Variants in NEDD4L observed in about 807,000 individuals in gnomAD.
The protein encoded by NEDD4L is E3 ubiquitin-protein ligase NEDD4-like.
In NEDD4L, 54 loss-of-function variants were observed where a neutral mutation model predicts 148.9. The ratio of observed to expected loss-of-function variants is 0.36; its 90% CI spans 0.29 to 0.45. The LOEUF is 0.45. Ranked by LOEUF, NEDD4L falls within the 20% of genes least tolerant of loss-of-function variation. The pLI is 1.00. For missense variants in NEDD4L, 856 were observed against 1,233.8 expected, an observed-to-expected ratio of 0.69 and a Z score of 4.59; for synonymous variants, 433 against 440.7, an observed-to-expected ratio of 0.98 and a Z score of 0.22.
intron 3 of NEDD4L, among the ~76,000 whole-genome samples, chr18:58,246,891 T>C (rs960862632): frequency 9.2e-5 from 14 of 152,206 alleles, no homozygotes; most frequent in Admixed American, 9.2e-4. Context: ...TTAAAAATAC[T>C]TGGCTGCATG....
At chr18:58,062,966 C>T (rs28549255) in intron 1 of NEDD4L, among the ~76,000 whole-genome samples, 12,595 of 121,830 alleles carry the variant, frequency 0.1, 722 homozygotes, top group Middle Eastern at 0.28. Context: ...CCAGCCTGGG[C>T]GACAGAGCGA....
chr18:58,371,039 T>A (rs538224002), intron 23 of NEDD4L, among the ~76,000 whole-genome samples: 25 of 152,040 alleles, frequency 1.6e-4, no homozygotes, highest in African/African-American at 3.1e-4. Flanking sequence ...ATTTTATTTT[T>A]TTTTTATTTT....
chr18:58,045,297 C>T (rs759583188), intron 1 of NEDD4L: 5 of 396,456 alleles, frequency 1.3e-5, no homozygotes, highest in Non-Finnish European at 2.2e-5. Flanking sequence ...ATTTCGGAGC[C>T]TCGGTGGGGG....
intron 1 of NEDD4L, among the ~76,000 whole-genome samples, chr18:58,143,053 G>A (rs565611562): frequency 6.6e-6 from 1 of 152,294 alleles, no homozygotes; most frequent in African/African-American, 2.4e-5. Context: ...GGTCAGGAGA[G>A]CTGGCCCCAA....
intron 4 of NEDD4L, 122 bp downstream of exon 4, chr18:58,249,059 T>C: frequency 1.8e-6 from 1 of 558,128 alleles, no homozygotes; most frequent in Non-Finnish European, 3.1e-6. Flanking sequence ...GGATGAAAAA[T>C]AGGTAGCCTC....
chr18:58,233,308 A>G lies in NEDD4L; in HGVS notation c.123-12119A>G, dbSNP rs1021049165. Among the ~76,000 whole-genome samples, 4 of 152,230 alleles carry G rather than the reference A, an allele frequency of 2.6e-5. No homozygotes were observed. In the East Asian group the frequency reaches 7.7e-4, roughly 29 times the overall value. ...GTAAAGACATACCCAAGACTGGGTC[A>G]TTTATAAAGAAAAAGAGGTTTAATG... is the stretch of plus-strand genomic sequence containing the variant. On this transcript the variant is annotated intron_variant, in intron 2 of 30. Transcript: ENST00000400345.
At chr18:58,297,791 TA>T (rs2055870462) in intron 5 of NEDD4L, among the ~76,000 whole-genome samples, 1 of 152,186 alleles carries the variant, frequency 6.6e-6, no homozygotes, top group Non-Finnish European at 1.5e-5. Flanking sequence ...GTTCTCTTGG[TA>T]AATATCTCTG....
In NEDD4L at chr18:58,306,823, C is replaced by T. The variant is rs565561552; in HGVS notation, c.298-9159C>T. 1.2e-4 allele frequency among the ~76,000 whole-genome samples: 19 copies of T among 152,150 alleles called. No homozygotes were observed. The South Asian group carries it at 3.3e-3, about 27-fold the overall frequency. On this transcript the variant is annotated intron_variant, in intron 5 of 30. Transcript: ENST00000400345. ...GTATTTTTAGTACTTTAGTACAGAC[C>T]GGGTTTCACCATGTTGGCCAGGCTG...
intron 1 of NEDD4L, among the ~76,000 whole-genome samples, chr18:58,057,576 C>T (rs2082144625): frequency 6.6e-6 from 1 of 152,156 alleles, no homozygotes; most frequent in African/African-American, 2.4e-5. Context: ...TGGCATTAGT[C>T]TGGGGCTTCA....
intron 5 of NEDD4L, among the ~76,000 whole-genome samples, chr18:58,298,029 C>T (rs2055909388): frequency 6.6e-6 from 1 of 152,020 alleles, no homozygotes; most frequent in African/African-American, 2.4e-5. Flanking sequence ...TGAAGGGAAA[C>T]AATTAAAAAA....
chr18:58,249,372 C>T (rs1412734756), intron 4 of NEDD4L, among the ~76,000 whole-genome samples: 2 of 152,122 alleles, frequency 1.3e-5, no homozygotes. Context: ...AACTGAAACA[C>T]TTGAGTGCAT....
At chr18:58,221,456 T>G (rs971432328) in intron 2 of NEDD4L, 2 of 681,820 alleles carry the variant, frequency 2.9e-6, no homozygotes, top group Non-Finnish European at 3.6e-6. Context: ...CTACTTAACC[T>G]TATGGTAGGA....
At chr18:58,106,194 C>T (rs895322665) in intron 1 of NEDD4L, among the ~76,000 whole-genome samples, 1 of 152,164 alleles carries the variant, frequency 6.6e-6, no homozygotes, top group Non-Finnish European at 1.5e-5. Flanking sequence ...TGGGACACTG[C>T]CCAAATCAAC....
intron 1 of NEDD4L, among the ~76,000 whole-genome samples, chr18:58,114,090 G>A (rs888348523): frequency 6.6e-6 from 1 of 152,120 alleles, no homozygotes; most frequent in African/African-American, 2.4e-5. Flanking sequence ...ATGAACGTAG[G>A]CCCTGGCAGA....
At chr18:58,302,487 CAACAG>C (rs1335903013) in intron 5 of NEDD4L, among the ~76,000 whole-genome samples, 3 of 152,200 alleles carry the variant, frequency 2.0e-5, no homozygotes, top group Non-Finnish European at 4.4e-5. Flanking sequence ...CTCTGCAACA[CAACAG>C]TTCCTTCATT....
chr18:58,335,427 C>A, intron 12 of NEDD4L, 51 bp from the exon 13 acceptor site: 3 of 1,476,200 alleles, frequency 2.0e-6, no homozygotes, highest in Non-Finnish European at 1.9e-6. Flanking sequence ...ATTCAGACAG[C>A]AGGGGGTCAT....
chr18:58,187,380 C>A (rs2039591363), intron 2 of NEDD4L, among the ~76,000 whole-genome samples: 1 of 152,010 alleles, frequency 6.6e-6, no homozygotes, highest in Admixed American at 6.6e-5. Context: ...AGAAGGGCAG[C>A]CTTTGGAAGG....
At chr18:58,295,255 C>A (rs2055387478) in intron 5 of NEDD4L, among the ~76,000 whole-genome samples, 1 of 152,180 alleles carries the variant, frequency 6.6e-6, no homozygotes, top group African/African-American at 2.4e-5. Flanking sequence ...ATCCTCTGTG[C>A]TTCATCTGTT....
intron 2 of NEDD4L, among the ~76,000 whole-genome samples, chr18:58,167,328 G>T (rs2036978230): frequency 6.6e-6 from 1 of 152,194 alleles, no homozygotes; most frequent in Non-Finnish European, 1.5e-5. Context: ...AAGGATCCCT[G>T]CTTCCCTTCT....
Sources: allele counts gnomAD v4.1 joint callset (sites outside exome capture counted in the v4.1 genomes callset), GRCh38; gene constraint gnomAD v4.1.1; transcripts MANE v1.5; gene names NCBI Gene and HGNC (gene_info 2026-07-23, HGNC 2026-07-21).